KCNN2: variants seen among roughly 807,000 people sequenced by gnomAD.
KCNN2 encodes small conductance calcium-activated potassium channel protein 2.
In KCNN2, 24 loss-of-function variants were observed where a neutral mutation model predicts 55.5. That is an observed-to-expected ratio of 0.43 (90% CI 0.31 to 0.61). The LOEUF (loss-of-function observed/expected upper bound fraction) is 0.61, where lower values mean the gene tolerates loss of function less well. Among genes scored for constraint, KCNN2 ranks in the 20% least tolerant of loss-of-function variants. The pLI is 0.08. For synonymous variants in KCNN2, 431 were observed against 336.1 expected (o/e 1.28, Z -3.09); for missense variants, 754 against 853.6 (o/e 0.88, Z 1.45).
intron 2 of KCNN2, among the ~76,000 whole-genome samples, chr5:114,395,690 A>G (rs1758593278): frequency 1.3e-5 from 2 of 152,206 alleles, no homozygotes; most frequent in African/African-American, 4.8e-5. Flanking sequence ...TTTTCTTTAT[A>G]GAATTGAGTG....
intron 2 of KCNN2, among the ~76,000 whole-genome samples, chr5:114,319,089 T>G (rs1030209610): frequency 6.6e-6 from 1 of 152,138 alleles, no homozygotes; most frequent in Non-Finnish European, 1.5e-5. Context: ...TTCAGGAATA[T>G]ACTCATTCCC....
At chr5:114,229,975 A>T (rs1337448838) in intron 2 of KCNN2, among the ~76,000 whole-genome samples, 1 of 152,190 alleles carries the variant, frequency 6.6e-6, no homozygotes, top group African/African-American at 2.4e-5. Flanking sequence ...GCTTGGTTTG[A>T]ATGCCAGGTC....
chr5:114,321,553 A>G (rs769730469), intron 2 of KCNN2, among the ~76,000 whole-genome samples: 3 of 152,150 alleles, frequency 2.0e-5, no homozygotes, highest in Admixed American at 6.5e-5. Context: ...GTAAATTCCA[A>G]TGTTCTCAAC....
intron 1 of KCNN2, among the ~76,000 whole-genome samples, chr5:114,061,511 C>T: frequency 6.6e-6 from 1 of 152,086 alleles, no homozygotes; most frequent in East Asian, 1.9e-4. Flanking sequence ...GTGTCTCATG[C>T]AGGACACTGC....
intron 2 of KCNN2, among the ~76,000 whole-genome samples, chr5:114,380,159 T>C (rs561551762): frequency 6.6e-6 from 1 of 152,246 alleles, no homozygotes; most frequent in South Asian, 2.1e-4. Context: ...AAAGTGTCAA[T>C]AAACAACATG....
intron 3 of KCNN2, among the ~76,000 whole-genome samples, chr5:114,449,464 G>A (rs1268602462): frequency 2.6e-5 from 4 of 152,194 alleles, no homozygotes; most frequent in Non-Finnish European, 5.9e-5. Context: ...AGAGCACACA[G>A]TCTGTACACT....
chr5:114,244,808 T>C lies in KCNN2; in HGVS notation c.-185+23243T>C, dbSNP rs533986694. Among the ~76,000 whole-genome samples, 4 of 152,314 alleles carry C rather than the reference T, an allele frequency of 2.6e-5. No individual in the cohort carries two copies. In the East Asian group the frequency reaches 5.8e-4, roughly 22 times the overall value. ...GAAGCTTTACTCATTGAAGCTAACATGCAGGTTATGGGGCTCTAAAGTCAC... is the reference window on the plus strand; with the variant it reads ...GAAGCTTTACTCATTGAAGCTAACACGCAGGTTATGGGGCTCTAAAGTCAC... On this transcript the variant is annotated intron_variant, in intron 2 of 10. Transcript: ENST00000512097.
intron 1 of KCNN2, among the ~76,000 whole-genome samples, chr5:114,192,656 C>T (rs1355112891): frequency 3.9e-5 from 6 of 152,176 alleles, no homozygotes; most frequent in South Asian, 2.1e-4. Context: ...CTACTGTGCA[C>T]GGTCATATGT....
chr5:114,123,307 T>C (rs572360963), intron 1 of KCNN2, among the ~76,000 whole-genome samples: 1 of 151,726 alleles, frequency 6.6e-6, no homozygotes, highest in East Asian at 2.0e-4. Flanking sequence ...TAGTATAACA[T>C]CACTTACTTT....
At chr5:114,174,254 T>C (rs1176024157) in intron 1 of KCNN2, among the ~76,000 whole-genome samples, 1 of 152,138 alleles carries the variant, frequency 6.6e-6, no homozygotes, top group East Asian at 1.9e-4. Context: ...ATAAGATACA[T>C]GAACCCTGCT....
intron 1 of KCNN2, among the ~76,000 whole-genome samples, chr5:114,177,198 C>T (rs186745538): frequency 0.031 from 4,613 of 147,184 alleles, 248 homozygotes; most frequent in African/African-American, 0.11. Flanking sequence ...AGTGCAGTGG[C>T]GCGATCTCGG....
intron 2 of KCNN2, among the ~76,000 whole-genome samples, chr5:114,338,918 T>G (rs1756970670): frequency 1.3e-5 from 2 of 152,084 alleles, no homozygotes; most frequent in South Asian, 4.1e-4. Flanking sequence ...TCCAGCAAAA[T>G]GAGAGAGAAA....
intron 3 of KCNN2, among the ~76,000 whole-genome samples, chr5:114,432,707 C>T (rs1054788029): frequency 3.3e-5 from 5 of 152,174 alleles, no homozygotes; most frequent in African/African-American, 1.2e-4. Context: ...GGAACCGGGG[C>T]TGTGCGCGGC....
At chr5:114,248,737 A>G (rs1561540016) in intron 2 of KCNN2, among the ~76,000 whole-genome samples, 1 of 152,230 alleles carries the variant, frequency 6.6e-6, no homozygotes, top group Non-Finnish European at 1.5e-5. Flanking sequence ...CACAATGTAC[A>G]TTATTTAAAG....
intron 3 of KCNN2, among the ~76,000 whole-genome samples, chr5:114,440,610 CATGGT>C (rs1760169128): frequency 1.6e-5 from 2 of 125,684 alleles, no homozygotes; most frequent in Non-Finnish European, 1.6e-5. Flanking sequence ...AGTTGGGTGA[CATGGT>C]ACAGGTGTGA....
chr5:114,489,829 G>C (rs1451585078), intron 6 of KCNN2, among the ~76,000 whole-genome samples: 5 of 152,082 alleles, frequency 3.3e-5, no homozygotes, highest in Admixed American at 3.3e-4. Context: ...CTTATCTGTC[G>C]GCACTGGGTA....
intron 1 of KCNN2, among the ~76,000 whole-genome samples, chr5:114,131,596 A>G (rs114633340): frequency 0.017 from 2,531 of 152,242 alleles, 54 homozygotes; most frequent in African/African-American, 0.057. Flanking sequence ...GAACACACGC[A>G]TGCATATATC....
chr5:114,162,892 C>T (rs962711190), intron 1 of KCNN2, among the ~76,000 whole-genome samples: 1 of 152,116 alleles, frequency 6.6e-6, no homozygotes, highest in Non-Finnish European at 1.5e-5. Context: ...TTTCCAGGTG[C>T]CGTCTGTCAC....
intron 2 of KCNN2, among the ~76,000 whole-genome samples, chr5:114,339,850 A>AAAT (rs1561577121): frequency 1.1e-4 from 15 of 133,158 alleles, no homozygotes; most frequent in Non-Finnish European, 1.8e-4. Context: ...AATAAATAAA[A>AAAT]ATGCATGATA....
Sources: allele counts gnomAD v4.1 joint callset (sites outside exome capture counted in the v4.1 genomes callset), GRCh38; gene constraint gnomAD v4.1.1; transcripts MANE v1.5; gene names NCBI Gene and HGNC (gene_info 2026-07-23, HGNC 2026-07-21).